The following HSPA14 variants were observed in gnomAD, a reference collection of about 807,000 sequenced individuals.
The protein encoded by HSPA14 is heat shock 70 kDa protein 14.
In HSPA14, 37 loss-of-function variants were observed where a neutral mutation model predicts 65.5. That is an observed-to-expected ratio of 0.56 (90% CI 0.43 to 0.74). HSPA14 has a LOEUF of 0.74. Among genes scored for constraint, HSPA14 ranks in the 30% least tolerant of loss-of-function variants. The pLI is 0.00. For synonymous variants in HSPA14, 203 were observed against 214.2 expected (o/e 0.95, Z 0.46); for missense variants, 564 against 607.6 (o/e 0.93, Z 0.75).
chr10:14,843,737 A>G (rs1420557046), intron 3 of HSPA14: 1 of 1,537,000 alleles, frequency 6.5e-7, no homozygotes. Context: ...GCTATTGGTG[A>G]GGAGGCCAGT....
intron 3 of HSPA14, among the ~76,000 whole-genome samples, chr10:14,848,038 G>T (rs1834075605): frequency 6.6e-6 from 1 of 152,206 alleles, no homozygotes; most frequent in Admixed American, 6.5e-5. Flanking sequence ...GTGTTGTGAG[G>T]ATAACGTGAG....
intron 13 of HSPA14, among the ~76,000 whole-genome samples, chr10:14,870,949 T>G (rs915147404): frequency 1.3e-5 from 2 of 152,204 alleles, no homozygotes; most frequent in Admixed American, 1.3e-4. Context: ...TTTATCAATT[T>G]CTAGTATAAT....
At chr10:14,843,545 C>T (rs1415417514) in intron 3 of HSPA14, 7 of 1,550,492 alleles carry the variant, frequency 4.5e-6, no homozygotes, top group Admixed American at 2.0e-5. Flanking sequence ...ACTCCAGTCT[C>T]CTCTTCGAGA....
intron 10 of HSPA14, among the ~76,000 whole-genome samples, chr10:14,862,931 A>G (rs1240062668): frequency 6.6e-6 from 1 of 151,862 alleles, no homozygotes; most frequent in Non-Finnish European, 1.5e-5. Flanking sequence ...AGATCCGCCC[A>G]CCTCAGCCTC....
intron 5 of HSPA14, 94 bp from the exon 6 acceptor site, chr10:14,849,622 ATATGT>A (rs1834092486): frequency 1.0e-6 from 1 of 981,092 alleles, no homozygotes; most frequent in Admixed American, 2.1e-5. Flanking sequence ...GTATTGGGAA[ATATGT>A]TAAGTGAGAT....
At chr10:14,866,980 TTTATC>T in intron 10 of HSPA14, 98 bp from the exon 11 acceptor site, 2 of 785,462 alleles carry the variant, frequency 2.5e-6, no homozygotes, top group Non-Finnish European at 4.2e-6. Flanking sequence ...TTTTTTGTAT[TTTATC>T]TTTACATACG....
chr10:14,861,639 A>T (rs1248789902), intron 10 of HSPA14, among the ~76,000 whole-genome samples: 1 of 152,106 alleles, frequency 6.6e-6, no homozygotes, highest in African/African-American at 2.4e-5. Context: ...TGAATGCTGG[A>T]TTCCTTCTTT....
chr10:14,867,894 A>T lies in HSPA14; in HGVS notation c.1365A>T (p.Glu455Asp), dbSNP rs750958050. Residue 455 changes from glutamate to aspartate, a missense_variant, in exon 12 of 14, where the codon GAA becomes GAT. Physicochemically the swap from Glu to Asp is conservative, Grantham distance 45. Transcript: ENST00000378372. ...ESDGKNSAKE[E>D]TKFAQVVLQD... ...ATGGGAAGAACTCTGCCAAAGAGGA[A>T]ACCAAGTTTGCACAGGTGAATACAT... 50 of 1,613,308 alleles carry T rather than the reference A, an allele frequency of 3.1e-5. No homozygotes were observed. The highest frequency in any genetic ancestry group is 3.8e-5 in the Non-Finnish European group (45 of 1,179,804).
intron 1 of HSPA14, among the ~76,000 whole-genome samples, chr10:14,839,027 G>A (rs1341233444): frequency 6.6e-6 from 1 of 152,196 alleles, no homozygotes; most frequent in Admixed American, 6.5e-5. Context: ...CCGGAGGGGC[G>A]GGGAGGCTGC....
In HSPA14 at chr10:14,863,489, G is replaced by C. The variant is rs565805115; in HGVS notation, c.994-3594G>C. ...GGGAATCAGAGGCATATGATTATCA[G>C]GCATCATCTGAACAAGGTGTCTATC... On this transcript the variant is annotated intron_variant, in intron 10 of 13. Coordinates refer to ENST00000378372, the MANE Select transcript of HSPA14 (RefSeq NM_016299.4). 2.6e-5 allele frequency among the ~76,000 whole-genome samples: 4 copies of C among 152,264 alleles called. No individual in the cohort carries two copies. The South Asian group carries it at 8.3e-4, about 32-fold the overall frequency.
chr10:14,848,178 G>T (rs1834077131), intron 3 of HSPA14, among the ~76,000 whole-genome samples: 1 of 152,138 alleles, frequency 6.6e-6, no homozygotes, highest in Non-Finnish European at 1.5e-5. Flanking sequence ...GGTTTCTGGA[G>T]TTGGTGTGTG....
At chr10:14,864,299 T>C (rs1453983077) in intron 10 of HSPA14, among the ~76,000 whole-genome samples, 1 of 151,014 alleles carries the variant, frequency 6.6e-6, no homozygotes, top group Admixed American at 6.6e-5. Flanking sequence ...CTTTGTTTTT[T>C]TGCATAGCAC....
intron 5 of HSPA14, chr10:14,849,350 G>A: frequency 2.1e-6 from 1 of 479,370 alleles, no homozygotes; most frequent in South Asian, 1.5e-5. Context: ...CTGTAATGAT[G>A]TTAAGAACTT....
At chr10:14,855,577 G>A (rs573039192) in intron 9 of HSPA14, among the ~76,000 whole-genome samples, 2 of 152,224 alleles carry the variant, frequency 1.3e-5, no homozygotes, top group South Asian at 2.1e-4. Flanking sequence ...TAAGCAAGAT[G>A]GGCTTTCACT....
At chr10:14,868,678 C>T (rs1017566971) in intron 12 of HSPA14, among the ~76,000 whole-genome samples, 11 of 152,106 alleles carry the variant, frequency 7.2e-5, no homozygotes, top group African/African-American at 2.2e-4. Context: ...GTACTTAAAC[C>T]ATATTCCAGA....
In HSPA14 at chr10:14,842,566, T is replaced by TA; in HGVS notation, c.221+2410dup. The TA allele has an allele frequency of 6.5e-7, 1 of 1,536,130 alleles. No individual in the cohort carries two copies. Among genetic ancestry groups the TA allele is most frequent in the South Asian group, 1.2e-5 (1 of 84,064 alleles). On this transcript the variant is annotated intron_variant, in intron 3 of 13. Transcript: ENST00000378372. The surrounding 1 kb of genome is among the most constrained non-coding windows in gnomAD (Gnocchi z 5.2). Reference sequence around the variant, plus strand: ...AGCCACCACACTGTCCATTTTATGATACGTTGGATCAGCTTCTCCGAAATC... The same window carrying TA: ...AGCCACCACACTGTCCATTTTATGATAACGTTGGATCAGCTTCTCCGAAATC...
rs550196167 is a variant in HSPA14, at chr10:14,848,642, G to A, written c.255G>A (p.Ala85=). 428 of 1,610,796 alleles carry A rather than the reference G, an allele frequency of 2.7e-4. 5 individuals carry two copies. The South Asian group carries it at 4.0e-3, about 15-fold the overall frequency. ...SSDPQAQKYI[A]ESKCLVIEKN... is the part of the protein sequence containing the mutation. ...ATCCACAAGCTCAGAAATACATCGC[G>A]GAAAGTAAATGTTTAGTGAGTATGG... is the stretch of plus-strand genomic sequence containing the variant. The change falls in exon 4 of 14, where the codon GCG becomes GCA. Residue 85 remains alanine, a synonymous_variant. Transcript: ENST00000378372.
In HSPA14 at chr10:14,854,242, A is replaced by G; in HGVS notation, c.852A>G (p.Ser284=). The part of the protein sequence containing the change: ...TLGSANCFLD[S]LYEGQDFDCN... ...GAAGTGCCAACTGTTTTCTTGACTCATTATATGAAGGTCAAGATTTTGATT... is the reference window on the plus strand; with the variant it reads ...GAAGTGCCAACTGTTTTCTTGACTCGTTATATGAAGGTCAAGATTTTGATT... The change falls in exon 9 of 14, where the codon TCA becomes TCG. Residue 284 remains serine, a synonymous_variant. Coordinates refer to ENST00000378372, the MANE Select transcript of HSPA14 (RefSeq NM_016299.4). The G allele has an allele frequency of 2.5e-6, 4 of 1,612,984 alleles. No individual in the cohort carries two copies. Among genetic ancestry groups the G allele is most frequent in the Non-Finnish European group, 1.7e-6 (2 of 1,179,662 alleles).
intron 9 of HSPA14, among the ~76,000 whole-genome samples, chr10:14,854,894 C>T (rs1305887144): frequency 6.6e-6 from 1 of 152,152 alleles, no homozygotes; most frequent in Non-Finnish European, 1.5e-5. Context: ...AGCTGCAGTT[C>T]AAATGTTCAG....
Sources: allele counts gnomAD v4.1 joint callset (sites outside exome capture counted in the v4.1 genomes callset), GRCh38; gene constraint gnomAD v4.1.1; non-coding constraint Gnocchi (gnomAD v3.1); transcripts MANE v1.5; gene names NCBI Gene and HGNC (gene_info 2026-07-23, HGNC 2026-07-21).